LONP1: variants seen among roughly 807,000 people sequenced by gnomAD.
LONP1 encodes lon protease homolog, mitochondrial.
A neutral mutation model predicts 98.5 loss-of-function variants in LONP1; 31 were observed. The ratio of observed to expected loss-of-function variants is 0.31; its 90% CI spans 0.24 to 0.42. The LOEUF is 0.42. Ranked by LOEUF, LONP1 falls within the 20% of genes least tolerant of loss-of-function variation. LONP1 has a pLI of 1.00. For missense variants in LONP1, 1,336 were observed against 1,350.6 expected, an observed-to-expected ratio of 0.99 and a Z score of 0.17; for synonymous variants, 781 against 594.7, an observed-to-expected ratio of 1.31 and a Z score of -4.56.
intron 8 of LONP1, among the ~76,000 whole-genome samples, chr19:5,705,115 T>C (rs2055122457): frequency 6.7e-6 from 1 of 150,246 alleles, no homozygotes; most frequent in African/African-American, 2.5e-5. Context: ...TGAACCAACA[T>C]TGCACCACTG....
At chr19:5,701,600 C>G (rs184091983) in intron 8 of LONP1, among the ~76,000 whole-genome samples, 3 of 152,212 alleles carry the variant, frequency 2.0e-5, no homozygotes, top group East Asian at 1.9e-4. Flanking sequence ...CCCGAGGTGC[C>G]GGGATTGCAG....
At chr19:5,715,944 C>T (rs950870218) in intron 1 of LONP1, among the ~76,000 whole-genome samples, 1 of 152,064 alleles carries the variant, frequency 6.6e-6, no homozygotes, top group South Asian at 2.1e-4. Context: ...TCAAGACCCC[C>T]AGGATCACAG....
chr19:5,701,463 TGCGATTGCAGGCGCGCGCC>T (rs2055041919), intron 8 of LONP1, among the ~76,000 whole-genome samples: 1 of 152,172 alleles, frequency 6.6e-6, no homozygotes, highest in South Asian at 2.1e-4. Context: ...GCCGAGTGCC[TGCGATTGCAGGCGCGCGCC>T]GCCACGCCTG....
chr19:5,701,033 G>C lies in LONP1; in HGVS notation c.1368-106C>G, dbSNP rs895668541. On this transcript the variant is annotated intron_variant, in intron 8 of 17. Transcript: ENST00000360614. Reference sequence around the variant, plus strand: ...AAGGGGCTTGAAACCCATGTGTGGGGCTGAGCGCGGTGGCTCACGCCTGTA... The same window carrying C: ...AAGGGGCTTGAAACCCATGTGTGGGCCTGAGCGCGGTGGCTCACGCCTGTA... 2.3e-6 allele frequency: 3 copies of C among 1,309,318 alleles called. No individual in the cohort carries two copies. The Admixed American group carries it at 5.2e-5, about 23-fold the overall frequency. The allele number at this position is 1,309,318 out of a possible 1,614,324, so 81.1% of individuals were successfully genotyped here. A position where few individuals can be genotyped will look rare whatever the true frequency, so the allele number is the denominator to read the frequency against.
In LONP1 at chr19:5,699,019, A is replaced by G; in HGVS notation, c.1685+8T>C. 6.3e-7 allele frequency: 1 copy of G among 1,598,942 alleles called. No individual in the cohort carries two copies. The highest frequency in any genetic ancestry group is 8.5e-7 in the Non-Finnish European group (1 of 1,171,016). On this transcript the variant is annotated splice_region_variant and intron_variant, in intron 10 of 17. Transcript: ENST00000360614. ...AGTGCGTGGGGAGAGCTGTCAGGCC[A>G]GGCCTACCTGTGGCCCTTGATCTCA...
intron 17 of LONP1, among the ~76,000 whole-genome samples, chr19:5,692,643 G>A (rs1271885031): frequency 6.6e-6 from 1 of 152,140 alleles, no homozygotes; most frequent in African/African-American, 2.4e-5. Flanking sequence ...TAGATGCCAG[G>A]CACAGCCCCA....
chr19:5,700,451 C>CT (rs1416111217), intron 9 of LONP1, among the ~76,000 whole-genome samples: 1 of 152,286 alleles, frequency 6.6e-6, no homozygotes, highest in African/African-American at 2.4e-5. Flanking sequence ...GGGTCTCACT[C>CT]TGTCACCCAA....
At position 5,696,387 on chromosome 19, in the gene LONP1, G is replaced by A. The variant is rs2054928785; in HGVS notation, c.1774-16C>T. On this transcript the variant is annotated splice_polypyrimidine_tract_variant and intron_variant, in intron 11 of 17. Coordinates refer to ENST00000360614, the MANE Select transcript of LONP1 (RefSeq NM_004793.4). Reference sequence around the variant, plus strand: ...TCTTGTCCACCTGGGGCAGCAGACAGCAGGTGGTGCCCCTCGCCGTGCCCC... The same window carrying A: ...TCTTGTCCACCTGGGGCAGCAGACAACAGGTGGTGCCCCTCGCCGTGCCCC... 1 of 1,611,276 alleles carries A rather than the reference G, an allele frequency of 6.2e-7. No individual in the cohort carries two copies. The highest frequency in any genetic ancestry group is 8.5e-7 in the Non-Finnish European group (1 of 1,178,816).
chr19:5,714,122 T>G, intron 2 of LONP1, 61 bp downstream of exon 2: 1 of 1,319,132 alleles, frequency 7.6e-7, no homozygotes, highest in Non-Finnish European at 1.1e-6. Context: ...AGAGTAGGAC[T>G]TGTGGTGAGC....
intron 13 of LONP1, 117 bp downstream of exon 13, chr19:5,695,937 G>GGCT: frequency 1.2e-6 from 1 of 861,752 alleles, no homozygotes; most frequent in Non-Finnish European, 1.8e-6. Context: ...CTCCTCGGCC[G>GGCT]CAGGTCCCAC....
chr19:5,706,001 T>C lies in LONP1; in HGVS notation c.1147-9A>G, dbSNP rs557366562. The C allele has an allele frequency of 6.2e-7, 1 of 1,602,298 alleles. No homozygotes were observed. The highest frequency in any genetic ancestry group is 1.1e-5 in the South Asian group (1 of 90,888). On this transcript the variant is annotated splice_polypyrimidine_tract_variant and intron_variant, in intron 7 of 17. Transcript: ENST00000360614. The stretch of plus-strand genomic sequence containing the variant: ...TTGATCTTCTCCTCCACCTGTGGGG[T>C]GAGGTGCTGCCATCAGGCCCTGGCT...
At chr19:5,707,964 A>G (rs1037681189) in intron 5 of LONP1, 138 bp from the exon 6 acceptor site, 2 of 973,168 alleles carry the variant, frequency 2.1e-6, no homozygotes, top group African/African-American at 3.3e-5. Flanking sequence ...GCTGGGAGCC[A>G]GCTCTGCTGC....
Position 5,712,994 on chromosome 19 carries a change from A to T in LONP1, c.638+140T>A, listed in dbSNP as rs1219653939. On this transcript the variant is annotated intron_variant, in intron 3 of 17. Transcript: ENST00000360614. ...GGTGACATGTCTCACTCTCACCCCC[A>T]GCTCTGGCCTCAGTGCTAGTGAGAA... is the stretch of plus-strand genomic sequence containing the variant. The T allele has an allele frequency of 2.3e-5, 27 of 1,155,042 alleles. No individual in the cohort carries two copies. In the Middle Eastern group the frequency reaches 1.1e-3, roughly 47 times the overall value. 71.5% of individuals were successfully genotyped at this position (1,155,042 alleles called of 1,614,324 possible).
In LONP1 at chr19:5,694,450, C is replaced by A; in HGVS notation, c.2257G>T (p.Val753Leu). The A allele has an allele frequency of 6.2e-7, 1 of 1,613,492 alleles. No individual in the cohort carries two copies. The highest frequency in any genetic ancestry group is 8.5e-7 in the Non-Finnish European group (1 of 1,180,024). ...GGTGTCACGTCATACATGCGCTCCA[C>A]GGTGAACACGGGCTTCCCCACGAAG... ...QDFVGKPVFT[V>L]ERMYDVTPPG... is the part of the protein sequence containing the mutation. Residue 753 changes from valine (V) to leucine (L), a missense_variant, in exon 15 of 18, where the codon GTG becomes TTG. Transcript: ENST00000360614.
rs1010882175 is a variant in LONP1, at chr19:5,694,242, C to T, written c.2320+145G>A. On this transcript the variant is annotated intron_variant, in intron 15 of 17. Transcript: ENST00000360614. ...AGCCTTCCCCTCCCTCAGCCCAGAC[C>T]CCCTGGGCTCCCAGCACACCACCCC... 3.4e-5 allele frequency: 36 copies of T among 1,045,854 alleles called. No homozygotes were observed. The African/African-American group carries it at 4.8e-4, about 14-fold the overall frequency. 64.8% of individuals were successfully genotyped at this position (1,045,854 alleles called of 1,614,324 possible).
chr19:5,720,366 G>C, upstream of LONP1: 1 of 646,382 alleles, frequency 1.5e-6, no homozygotes. Flanking sequence ...GTGGAAGGCT[G>C]TGAGCAGGCG....
intron 8 of LONP1, 129 bp downstream of exon 8, chr19:5,705,643 G>A (rs894424868): frequency 2.9e-6 from 2 of 680,670 alleles, no homozygotes; most frequent in Admixed American, 4.8e-5. Flanking sequence ...CTCGCTGGAT[G>A]CCTCCCAGCC....
At chr19:5,706,235 C>G (rs2055143508) in intron 7 of LONP1, among the ~76,000 whole-genome samples, 1 of 152,030 alleles carries the variant, frequency 6.6e-6, no homozygotes, top group African/African-American at 2.4e-5. Flanking sequence ...CTCCTGGGCT[C>G]AAGCGATCCT....
intron 10 of LONP1, among the ~76,000 whole-genome samples, chr19:5,698,539 G>A (rs1217200164): frequency 6.6e-6 from 1 of 152,204 alleles, no homozygotes; most frequent in Non-Finnish European, 1.5e-5. Context: ...CGGGACGAGT[G>A]AGCCCACAGA....
Sources: allele counts gnomAD v4.1 joint callset (sites outside exome capture counted in the v4.1 genomes callset), GRCh38; gene constraint gnomAD v4.1.1; transcripts MANE v1.5; gene names NCBI Gene and HGNC (gene_info 2026-07-23, HGNC 2026-07-21).